ADGRB3: variants seen among roughly 807,000 people sequenced by gnomAD.
The protein encoded by ADGRB3 is brain-specific angiogenesis inhibitor 3.
ADGRB3 carries 37 observed loss-of-function variants against 193.4 expected under a neutral mutation model. That is an observed-to-expected ratio of 0.19 (90% CI 0.15 to 0.25). The LOEUF is 0.25. Among genes scored for constraint, ADGRB3 ranks in the 10% least tolerant of loss-of-function variants. The pLI is 1.00. For missense variants in ADGRB3, 1,637 were observed against 1,852.9 expected (o/e 0.88, Z 2.14); for synonymous variants, 690 against 644.2 (o/e 1.07, Z -1.08).
At chr6:68,859,046 T>C (rs559722279) in intron 3 of ADGRB3, among the ~76,000 whole-genome samples, 11 of 151,250 alleles carry the variant, frequency 7.3e-5, no homozygotes, top group Admixed American at 6.6e-4. Context: ...TTGCAAACTT[T>C]TGTGCTCTGT....
At chr6:69,044,285 C>T (rs2150300318) in intron 13 of ADGRB3, among the ~76,000 whole-genome samples, 1 of 152,264 alleles carries the variant, frequency 6.6e-6, no homozygotes, top group Non-Finnish European at 1.5e-5. Flanking sequence ...CTTTCACATG[C>T]CTTCCATTCT....
chr6:68,914,338 G>T (rs1009435679), intron 3 of ADGRB3, among the ~76,000 whole-genome samples: 4 of 152,052 alleles, frequency 2.6e-5, no homozygotes, highest in Admixed American at 6.6e-5. Flanking sequence ...GACTAACAGC[G>T]GATCTCTCGG....
chr6:69,178,631 A>G (rs577059345), intron 17 of ADGRB3, among the ~76,000 whole-genome samples: 1 of 152,306 alleles, frequency 6.6e-6, no homozygotes, highest in East Asian at 1.9e-4. Flanking sequence ...AGGATTTCTC[A>G]TAAGTTTGGT....
chr6:69,160,570 A>C (rs190485699), intron 17 of ADGRB3, among the ~76,000 whole-genome samples: 1 of 152,248 alleles, frequency 6.6e-6, no homozygotes, highest in East Asian at 1.9e-4. Flanking sequence ...TGTTAATGCT[A>C]TCATATCATC....
intron 3 of ADGRB3, among the ~76,000 whole-genome samples, chr6:68,729,982 C>G (rs1349022268): frequency 1.3e-5 from 2 of 151,332 alleles, no homozygotes; most frequent in Non-Finnish European, 3.0e-5. Context: ...GAAAAGGATG[C>G]TTGAAAAAAA....
intron 17 of ADGRB3, among the ~76,000 whole-genome samples, chr6:69,189,014 T>G (rs995636903): frequency 6.6e-6 from 1 of 152,226 alleles, no homozygotes; most frequent in African/African-American, 2.4e-5. Context: ...TAAACTTAAT[T>G]AAACAGGAAG....
At chr6:69,001,833 A>G (rs1474065403) in intron 11 of ADGRB3, among the ~76,000 whole-genome samples, 1 of 152,190 alleles carries the variant, frequency 6.6e-6, no homozygotes, top group Non-Finnish European at 1.5e-5. Flanking sequence ...TGTTTTCCCA[A>G]TGTTTTTGAC....
chr6:69,205,265 T>G (rs917758063), intron 17 of ADGRB3, among the ~76,000 whole-genome samples: 1 of 152,112 alleles, frequency 6.6e-6, no homozygotes, highest in African/African-American at 2.4e-5. Context: ...TTTTCTCCCC[T>G]CTAAGAAGAT....
chr6:69,332,099 C>T (rs922577807), intron 23 of ADGRB3: 1 of 985,184 alleles, frequency 1.0e-6, no homozygotes, highest in Non-Finnish European at 1.2e-6. Context: ...TTCATTTACT[C>T]ATTGGACTGG....
At chr6:69,268,618 G>T (rs939216110) in intron 20 of ADGRB3, among the ~76,000 whole-genome samples, 1 of 152,076 alleles carries the variant, frequency 6.6e-6, no homozygotes, top group South Asian at 2.1e-4. Context: ...TACTTCTCAG[G>T]CCATAAGACC....
At chr6:68,713,002 A>T (rs1373059328) in intron 3 of ADGRB3, among the ~76,000 whole-genome samples, 3 of 151,988 alleles carry the variant, frequency 2.0e-5, no homozygotes, top group Non-Finnish European at 4.4e-5. Flanking sequence ...AAATATTGAC[A>T]GCAATTTTTT....
intron 20 of ADGRB3, among the ~76,000 whole-genome samples, chr6:69,260,558 G>A (rs150076431): frequency 1.4e-4 from 21 of 152,124 alleles, no homozygotes; most frequent in Non-Finnish European, 2.5e-4. Context: ...ACTTGGGCAC[G>A]TCTTCTAGCC....
chr6:68,864,568 G>A (rs1048989180), intron 3 of ADGRB3, among the ~76,000 whole-genome samples: 3 of 151,998 alleles, frequency 2.0e-5, no homozygotes, highest in African/African-American at 7.2e-5. Context: ...CAGAAAGCTG[G>A]CAACGGAGTC....
chr6:69,337,410 T>TA (rs1368836958), intron 24 of ADGRB3, among the ~76,000 whole-genome samples: 5 of 152,136 alleles, frequency 3.3e-5, no homozygotes, highest in South Asian at 2.1e-4. Context: ...TATGGAGCTT[T>TA]AAAAAAAGCA....
At chr6:69,292,425 C>G (rs1226607711) in intron 20 of ADGRB3, among the ~76,000 whole-genome samples, 1 of 152,142 alleles carries the variant, frequency 6.6e-6, no homozygotes, top group Non-Finnish European at 1.5e-5. Flanking sequence ...GTATATTCTC[C>G]TTTCTCAGAG....
chr6:69,161,642 C>T lies in ADGRB3; in HGVS notation c.2481-71648C>T, dbSNP rs181807048. ...TGAACAGTTATTATCTCACAGTTGT[C>T]GTGGGTCAAGAATCCAGCTGCAAAT... On this transcript the variant is annotated intron_variant, in intron 17 of 31. Transcript: ENST00000370598. Among the ~76,000 whole-genome samples the T allele has an allele frequency of 3.3e-5, 5 of 152,152 alleles. No homozygotes were observed. In the East Asian group the frequency reaches 5.8e-4, roughly 18 times the overall value.
chr6:68,672,767 G>A (rs1207262821), intron 3 of ADGRB3, among the ~76,000 whole-genome samples: 1 of 152,052 alleles, frequency 6.6e-6, no homozygotes, highest in Non-Finnish European at 1.5e-5. Flanking sequence ...TTTTTTAAAT[G>A]TAATTAATAT....
intron 17 of ADGRB3, 178 bp from the exon 18 acceptor site, chr6:69,233,112 G>A (rs779010808): frequency 1.1e-6 from 1 of 894,064 alleles, no homozygotes; most frequent in Admixed American, 2.7e-5. Context: ...TCCCACTCTC[G>A]CTTTGCATTA....
intron 11 of ADGRB3, among the ~76,000 whole-genome samples, chr6:69,011,944 G>A (rs1360920499): frequency 1.3e-5 from 2 of 152,000 alleles, no homozygotes; most frequent in South Asian, 2.1e-4. Context: ...TTCCCACTCC[G>A]ATTTAGTAAA....
Sources: gnomAD v4.1 joint callset for allele counts (sites outside exome capture counted in the v4.1 genomes callset) on GRCh38, gnomAD v4.1.1 for gene constraint, MANE v1.5 for transcripts, NCBI Gene and HGNC (gene_info 2026-07-23, HGNC 2026-07-21) for gene names.